ATXN1: variants seen among roughly 807,000 people sequenced by gnomAD.
ATXN1 encodes ataxin-1.
ATXN1 carries 8 observed loss-of-function variants against 56.4 expected under a neutral mutation model. The observed-to-expected ratio is 0.14, with a 90% CI of 0.08 to 0.26. The LOEUF is 0.26. Ranked by LOEUF, ATXN1 falls within the 10% of genes least tolerant of loss-of-function variation. The pLI, the probability that ATXN1 is intolerant of heterozygous loss-of-function variation, is 1.00. For synonymous variants in ATXN1, 514 were observed against 494.6 expected (o/e 1.04, Z -0.52); for missense variants, 987 against 1,106.5 (o/e 0.89, Z 1.53).
intron 3 of ATXN1, among the ~76,000 whole-genome samples, chr6:16,655,175 TA>T (rs1333869377): frequency 6.6e-6 from 1 of 152,104 alleles, no homozygotes; most frequent in Admixed American, 6.5e-5. Flanking sequence ...TCAGATCCCC[TA>T]AAGAAAAACA....
chr6:16,408,108 C>G (rs970238116), intron 6 of ATXN1, among the ~76,000 whole-genome samples: 1 of 152,054 alleles, frequency 6.6e-6, no homozygotes, highest in Non-Finnish European at 1.5e-5. Flanking sequence ...CAGGAAGAGA[C>G]CGTGGGGCCA....
At chr6:16,676,525 C>T (rs927407197) in intron 2 of ATXN1, among the ~76,000 whole-genome samples, 22 of 152,114 alleles carry the variant, frequency 1.4e-4, no homozygotes, top group African/African-American at 4.6e-4. Flanking sequence ...TTGTGCTAGG[C>T]CCTGAGGATA....
intron 7 of ATXN1, among the ~76,000 whole-genome samples, chr6:16,313,029 C>G (rs1369900052): frequency 6.6e-6 from 1 of 152,112 alleles, no homozygotes; most frequent in Non-Finnish European, 1.5e-5. Flanking sequence ...AGGCATGTGC[C>G]ACCACACCTG....
chr6:16,458,052 T>C, intron 6 of ATXN1, among the ~76,000 whole-genome samples: 1 of 152,232 alleles, frequency 6.6e-6, no homozygotes, highest in South Asian at 2.1e-4. Context: ...GATGTCATGC[T>C]ATTGTTAGAT....
chr6:16,402,242 G>GTTTTTTTTTTTTTTTTTTTTT (rs58048762), intron 6 of ATXN1, among the ~76,000 whole-genome samples: 1 of 62,118 alleles, frequency 1.6e-5, no homozygotes, highest in African/African-American at 6.7e-5. Context: ...ACCACTGACA[G>GTTTTTTTTTTTTTTTTTTTTT]TTTTTTTTTT....
Position 16,579,490 on chromosome 6 carries a change from C to G in ATXN1, c.-361+6290G>C, listed in dbSNP as rs937731602. Among the ~76,000 whole-genome samples the G allele has an allele frequency of 1.4e-3, 59 of 42,936 alleles. 9 individuals are homozygous for G. The highest frequency in any genetic ancestry group is 4.2e-3 in the African/African-American group (50 of 11,998). 28.2% of individuals were successfully genotyped at this position (42,936 alleles called of 152,430 possible). ...AGTACCTTGGTCAAAGCCCCCCCCC[C>G]CCACCCGCCGATTCATTCCCAAGTC... On this transcript the variant is annotated intron_variant, in intron 4 of 7. Transcript: ENST00000436367.
Position 16,304,439 on chromosome 6 carries a change from GA to G in ATXN1, c.*1889del, listed in dbSNP as rs3840417. 0.03 allele frequency: 4,220 copies of G among 142,198 alleles called. 107 individuals carry two copies. The highest frequency in any genetic ancestry group is 0.073 in the African/African-American group (2,864 of 38,968). 8.8% of individuals were successfully genotyped at this position (142,198 alleles called of 1,614,324 possible). A position where few individuals can be genotyped will look rare whatever the true frequency, so the allele number is the denominator to read the frequency against. Reference sequence around the variant, plus strand: ...TTAAATCTCGATTTGATTTTGAATAGAAAAAAAAAAGCCATTCTGAAAATAA... The same window carrying G: ...TTAAATCTCGATTTGATTTTGAATAGAAAAAAAAAGCCATTCTGAAAATAA... On this transcript the variant is annotated 3_prime_UTR_variant, in exon 8 of 8. Coordinates refer to ENST00000436367, the MANE Select transcript of ATXN1 (RefSeq NM_001128164.2).
chr6:16,309,487 A>AG (rs1760338344), intron 7 of ATXN1, among the ~76,000 whole-genome samples: 1 of 152,040 alleles, frequency 6.6e-6, no homozygotes, highest in Non-Finnish European at 1.5e-5. Flanking sequence ...ATACATTGAG[A>AG]GGGGCTAACA....
intron 6 of ATXN1, among the ~76,000 whole-genome samples, chr6:16,430,871 A>T (rs1225790421): frequency 6.6e-6 from 1 of 152,194 alleles, no homozygotes; most frequent in African/African-American, 2.4e-5. Context: ...GTTTGCTGAG[A>T]TAACACATTA....
chr6:16,381,212 G>C (rs1169503354), intron 6 of ATXN1, among the ~76,000 whole-genome samples: 2 of 152,128 alleles, frequency 1.3e-5, no homozygotes, highest in Non-Finnish European at 2.9e-5. Flanking sequence ...TCTTGAACCT[G>C]GGAGGCAGAG....
rs1760984028 is a variant in ATXN1 at position 16,506,509 on chromosome 6, T to C, written c.-299+16118A>G. Among the ~76,000 whole-genome samples, 1 of 152,144 alleles carries C rather than the reference T, an allele frequency of 6.6e-6. No individual in the cohort carries two copies. The highest frequency in any genetic ancestry group is 2.4e-5 in the African/African-American group (1 of 41,432). On this transcript the variant is annotated intron_variant, in intron 5 of 7. Coordinates refer to ENST00000436367, the MANE Select transcript of ATXN1 (RefSeq NM_001128164.2). The surrounding 1 kb of genome is among the most constrained non-coding windows in gnomAD (Gnocchi z 4.1). ...TTTTTGTTTTAATTTTTCTCCTCAC[T>C]CCCTATGTAATTGGTGGCCAGGATA... is the stretch of plus-strand genomic sequence containing the variant.
chr6:16,373,805 C>A (rs1447932776), intron 6 of ATXN1, among the ~76,000 whole-genome samples: 1 of 152,152 alleles, frequency 6.6e-6, no homozygotes, highest in Non-Finnish European at 1.5e-5. Context: ...TCCATTAAAC[C>A]TCTTTTTCTT....
chr6:16,422,814 C>G (rs1759064165), intron 6 of ATXN1, among the ~76,000 whole-genome samples: 1 of 152,206 alleles, frequency 6.6e-6, no homozygotes. Context: ...TTTCTTTGAT[C>G]TGCCTTATCT....
intron 2 of ATXN1, among the ~76,000 whole-genome samples, chr6:16,660,920 C>T (rs1758307349): frequency 6.9e-6 from 1 of 144,272 alleles, no homozygotes; most frequent in Non-Finnish European, 1.5e-5. Context: ...CTCACTGCAA[C>T]CTCTGCCTTC....
intron 4 of ATXN1, among the ~76,000 whole-genome samples, chr6:16,548,808 A>G (rs2113725151): frequency 6.6e-6 from 1 of 152,240 alleles, no homozygotes; most frequent in South Asian, 2.1e-4. Context: ...CTGTAATCCC[A>G]GCTACTCAGG....
intron 6 of ATXN1, among the ~76,000 whole-genome samples, chr6:16,436,856 C>CAACA (rs1759403221): frequency 6.6e-6 from 1 of 152,130 alleles, no homozygotes; most frequent in Non-Finnish European, 1.5e-5. Context: ...TTCATGCTGG[C>CAACA]TGTTGCATGG....
chr6:16,450,547 G>A (rs975440761), intron 6 of ATXN1, among the ~76,000 whole-genome samples: 2 of 152,168 alleles, frequency 1.3e-5, no homozygotes, highest in Admixed American at 1.3e-4. Context: ...TTCAAAGCCA[G>A]CACGTTTATT....
intron 2 of ATXN1, among the ~76,000 whole-genome samples, chr6:16,660,832 G>GTTTTTTTTTTTTTTTTT (rs754718969): frequency 4.3e-5 from 4 of 93,034 alleles, no homozygotes; most frequent in Non-Finnish European, 6.2e-5. Context: ...TTTTGTTTTG[G>GTTTTTTTTTTTTTTTTT]TTTTTTTTTT....
chr6:16,327,684 A>ATGCTGCTGCTGCTGATGCTGC lies in ATXN1; in HGVS notation c.626_627insGCAGCATCAGCAGCAGCAGCA (p.Gln208_His209insGlnGlnHisGlnGlnGlnGln), dbSNP rs1760862136. 431 of 1,474,068 alleles carry ATGCTGCTGCTGCTGATGCTGC rather than the reference A, an allele frequency of 2.9e-4. 1 individual carries two copies. Among genetic ancestry groups the ATGCTGCTGCTGCTGATGCTGC allele is most frequent in the Non-Finnish European group, 2.7e-5 (30 of 1,112,154 alleles). The allele number at this position is 1,474,068 out of a possible 1,614,324, so 91.3% of individuals were successfully genotyped here. On this transcript the variant is annotated inframe_insertion, in exon 7 of 8. Transcript: ENST00000436367. ...GCTGCTGCTGCTGCTGCTGATGCTG[A>ATGCTGCTGCTGCTGATGCTGC]TGCTGCTGCTGCTGCTGCTGCTGCT...
Sources: allele counts gnomAD v4.1 joint callset (sites outside exome capture counted in the v4.1 genomes callset), GRCh38; gene constraint gnomAD v4.1.1; non-coding constraint Gnocchi (gnomAD v3.1); transcripts MANE v1.5; gene names NCBI Gene and HGNC (gene_info 2026-07-23, HGNC 2026-07-21).